The following SPMIP9 variants were observed in gnomAD, a reference collection of about 807,000 sequenced individuals.
SPMIP9 encodes the protein sperm microtubule inner protein 9.
chr2:88,525,611 G>T, the SPMIP9 span: 1 of 1,613,898 alleles, frequency 6.2e-7, no homozygotes. Flanking sequence ...GCAGAGCAGG[G>T]CTAAACAACT....
chr2:88,528,559 A>C, the SPMIP9 span, among the ~76,000 whole-genome samples: 2 of 152,238 alleles, frequency 1.3e-5, no homozygotes, highest in Non-Finnish European at 2.9e-5. Context: ...TAGATTTATC[A>C]GTTTTTTCCT....
the SPMIP9 span, among the ~76,000 whole-genome samples, chr2:88,528,753 A>T: frequency 6.6e-6 from 1 of 151,926 alleles, no homozygotes; most frequent in African/African-American, 2.4e-5. Flanking sequence ...AGATATACAC[A>T]TACATGTTTA....
chr2:88,528,602 ATCT>A, the SPMIP9 span, among the ~76,000 whole-genome samples: 2 of 152,208 alleles, frequency 1.3e-5, no homozygotes, highest in East Asian at 1.9e-4. Flanking sequence ...TTGCTTAAAA[ATCT>A]TCTCCCGTCC....
chr2:88,528,110 G>A, the SPMIP9 span, among the ~76,000 whole-genome samples: 5 of 147,922 alleles, frequency 3.4e-5, no homozygotes, highest in South Asian at 4.3e-4. Flanking sequence ...ATTTGTAGAC[G>A]TTCTAAAAAA....
At chr2:88,528,439 T>C in the SPMIP9 span, among the ~76,000 whole-genome samples, 1 of 152,148 alleles carries the variant, frequency 6.6e-6, no homozygotes, top group African/African-American at 2.4e-5. Flanking sequence ...CACCTGGCCC[T>C]AAGCATTTTT....
the SPMIP9 span, among the ~76,000 whole-genome samples, chr2:88,527,049 A>G: frequency 6.6e-6 from 1 of 152,230 alleles, no homozygotes; most frequent in South Asian, 2.1e-4. Flanking sequence ...TTAAAATTAC[A>G]CTGATAAACA....
chr2:88,526,248 C>T, the SPMIP9 span, among the ~76,000 whole-genome samples: 27,138 of 151,920 alleles, frequency 0.18, 2,595 homozygotes, highest in Middle Eastern at 0.36. Flanking sequence ...AGGAAGGTGG[C>T]GGGATGGTAA....
the SPMIP9 span, among the ~76,000 whole-genome samples, chr2:88,527,239 G>A: frequency 1.3e-5 from 2 of 152,024 alleles, no homozygotes; most frequent in African/African-American, 2.4e-5. Context: ...AGGCAGAGGC[G>A]GCCAGGAGTT....
chr2:88,529,144 C>A, the SPMIP9 span: 1 of 1,614,052 alleles, frequency 6.2e-7, no homozygotes, highest in Admixed American at 1.7e-5. Flanking sequence ...ACCCTGCTTT[C>A]AAAAGACCCC....
the SPMIP9 span, among the ~76,000 whole-genome samples, chr2:88,526,057 G>A: frequency 6.6e-6 from 1 of 152,136 alleles, no homozygotes; most frequent in Non-Finnish European, 1.5e-5. Flanking sequence ...ACTCTTGGGA[G>A]GTGGAGAATA....
the SPMIP9 span, chr2:88,525,565 A>G: frequency 6.4e-7 from 1 of 1,571,682 alleles, no homozygotes; most frequent in Non-Finnish European, 8.8e-7. Flanking sequence ...CTTGGTTGGC[A>G]CAGCTTGAAG....
the SPMIP9 span, chr2:88,529,260 A>G: frequency 6.2e-7 from 1 of 1,614,110 alleles, no homozygotes; most frequent in Non-Finnish European, 8.5e-7. Context: ...CATTTCACAT[A>G]TCCAGCTTCC....
the SPMIP9 span, chr2:88,526,265 G>T: frequency 1.5e-6 from 1 of 673,630 alleles, no homozygotes; most frequent in Middle Eastern, 4.1e-4. Context: ...GTAAAAATGG[G>T]TCACAGCCAG....
At chr2:88,527,731 A>G in the SPMIP9 span, among the ~76,000 whole-genome samples, 255 of 152,314 alleles carry the variant, frequency 1.7e-3, 1 homozygote, top group South Asian at 6.0e-3. Flanking sequence ...CAAATGCTGC[A>G]TTGAAGATGA....
At chr2:88,525,217 A>G in the SPMIP9 span, among the ~76,000 whole-genome samples, 6 of 152,196 alleles carry the variant, frequency 3.9e-5, no homozygotes, top group African/African-American at 1.4e-4. Flanking sequence ...AGTGCCAATG[A>G]CATTATGTTG....
the SPMIP9 span, among the ~76,000 whole-genome samples, chr2:88,527,150 C>T: frequency 6.6e-6 from 1 of 152,102 alleles, no homozygotes; most frequent in Non-Finnish European, 1.5e-5. Context: ...CTTACCCCTC[C>T]TCCCATCTCC....
the SPMIP9 span, chr2:88,529,185 G>C: frequency 6.2e-7 from 1 of 1,614,040 alleles, no homozygotes; most frequent in Non-Finnish European, 8.5e-7. Context: ...GGACTCCCCG[G>C]CTTCTTCCCA....
chr2:88,529,410 A>G, the SPMIP9 span: 1 of 1,614,060 alleles, frequency 6.2e-7, no homozygotes, highest in Non-Finnish European at 8.5e-7. Context: ...CCCTGTCTTC[A>G]TTGCCATATA....
At chr2:88,529,085 G>C in the SPMIP9 span, 1 of 1,613,674 alleles carries the variant, frequency 6.2e-7, no homozygotes, top group Admixed American at 1.7e-5. Flanking sequence ...CCGGGACAAA[G>C]AGTTTTACAG....
Sources: gnomAD v4.1 joint callset for allele counts (sites outside exome capture counted in the v4.1 genomes callset) on GRCh38, gnomAD v4.1.1 for gene constraint, MANE v1.5 for transcripts, NCBI Gene and HGNC (gene_info 2026-07-23, HGNC 2026-07-21) for gene names.